Variants in NRK observed in about 807,000 individuals in gnomAD.
NRK encodes Nik related kinase.
Under a neutral mutation model 125.2 loss-of-function variants are expected in NRK, and 67 were observed. The observed-to-expected ratio is 0.54, with a 90% CI of 0.44 to 0.66. The LOEUF is 0.66. Among genes scored for constraint, NRK ranks in the 30% least tolerant of loss-of-function variants. NRK has a pLI of 0.00. For missense variants in NRK, 1,224 were observed against 1,192.9 expected (o/e 1.03, Z -0.38); for synonymous variants, 458 against 429.0 (o/e 1.07, Z -0.84).
At chrX:105,835,165 G>C in intron 2 of NRK, among the ~76,000 whole-genome samples, 1 of 111,385 alleles carries the variant, frequency 9.0e-6, no homozygotes, top group African/African-American at 3.3e-5. Flanking sequence ...TTTCAGCTAG[G>C]TTGTTTATAT....
rs2040231313 is a variant in NRK at position 105,907,123 on chromosome X, A to G, written c.1021+534A>G. On this transcript the variant is annotated intron_variant, in intron 11 of 28. Coordinates refer to ENST00000243300, the MANE Select transcript of NRK (RefSeq NM_198465.4). ...TAATTAAAGGAACTGATTTATACAA[A>G]TAAACATAAACTTCTGTCTATTAAT... 3 of 111,057 alleles carry G rather than the reference A, an allele frequency of 2.7e-5. No homozygotes were observed. In the South Asian group the frequency reaches 1.1e-3, roughly 42 times the overall value. The allele number at this position is 111,057 out of a possible 1,213,427, so 9.2% of individuals were successfully genotyped here.
chrX:105,943,885 C>A, intron 23 of NRK, 56 bp from the exon 24 acceptor site: 2 of 578,725 alleles, frequency 3.5e-6, no homozygotes, highest in Non-Finnish European at 5.6e-6. Flanking sequence ...AATACAAATA[C>A]TTGAGTGTTC....
intron 2 of NRK, among the ~76,000 whole-genome samples, chrX:105,870,960 G>A (rs2039738549): frequency 2.7e-5 from 3 of 111,440 alleles, no homozygotes; most frequent in Admixed American, 1.9e-4. Context: ...TGTAGCAAAG[G>A]TTTGGGTAAT....
At chrX:105,831,169 A>G (rs1446091082) in intron 2 of NRK, 50 bp downstream of exon 2, 2 of 789,807 alleles carry the variant, frequency 2.5e-6, no homozygotes, top group East Asian at 3.2e-5. Flanking sequence ...AATGACAACA[A>G]AGATTGTGAG....
Position 105,822,716 on chromosome X carries a change from C to T in NRK, c.-130C>T, listed in dbSNP as rs1226185691. On this transcript the variant is annotated 5_prime_UTR_variant, in exon 1 of 29. Transcript: ENST00000243300. The stretch of plus-strand genomic sequence containing the variant: ...CTCCTCTATCTCCCACGCCACGAAC[C>T]CCGATCCCCAGACTCCTCTCTCCCG... 1 of 642,116 alleles carries T rather than the reference C, an allele frequency of 1.6e-6. No homozygotes were observed. Among genetic ancestry groups the T allele is most frequent in the Non-Finnish European group, 2.5e-6 (1 of 397,376 alleles). The allele number at this position is 642,116 out of a possible 1,213,427, so 52.9% of individuals were successfully genotyped here.
intron 15 of NRK, among the ~76,000 whole-genome samples, chrX:105,916,447 A>C (rs1371987564): frequency 9.0e-6 from 1 of 110,993 alleles, no homozygotes; most frequent in Non-Finnish European, 1.9e-5. Context: ...CCCAACTCAC[A>C]ATAGAGAGAA....
intron 2 of NRK, among the ~76,000 whole-genome samples, chrX:105,873,738 G>A (rs1169391163): frequency 9.0e-6 from 1 of 110,760 alleles, no homozygotes; most frequent in Non-Finnish European, 1.9e-5. Context: ...CCCATCCACT[G>A]GGCCCAACCT....
At chrX:105,853,450 T>C (rs1480968970) in intron 2 of NRK, among the ~76,000 whole-genome samples, 1 of 112,115 alleles carries the variant, frequency 8.9e-6, no homozygotes, top group Non-Finnish European at 1.9e-5. Flanking sequence ...ACGTTTTCAT[T>C]GGAGTTTCAA....
intron 5 of NRK, among the ~76,000 whole-genome samples, chrX:105,890,671 A>G (rs2040005171): frequency 8.9e-6 from 1 of 111,763 alleles, no homozygotes; most frequent in Non-Finnish European, 1.9e-5. Context: ...TCCCCTTTAT[A>G]AAACCATTAA....
chrX:105,869,737 C>T (rs761214755), intron 2 of NRK, among the ~76,000 whole-genome samples: 1 of 109,149 alleles, frequency 9.2e-6, no homozygotes, highest in African/African-American at 3.5e-5. Flanking sequence ...GACAAAGTTG[C>T]TTCTTTTGGT....
At chrX:105,879,995 G>C (rs2039864696) in intron 2 of NRK, among the ~76,000 whole-genome samples, 1 of 110,725 alleles carries the variant, frequency 9.0e-6, no homozygotes, top group South Asian at 3.8e-4. Flanking sequence ...CGAGTGTTTT[G>C]AGTGGGATGG....
intron 9 of NRK, among the ~76,000 whole-genome samples, chrX:105,902,798 T>A (rs1243305732): frequency 9.0e-6 from 1 of 111,305 alleles, no homozygotes; most frequent in Non-Finnish European, 1.9e-5. Context: ...CTTATGAGAA[T>A]CCAACTCATG....
intron 4 of NRK, among the ~76,000 whole-genome samples, chrX:105,884,325 C>G (rs151286206): frequency 1.3e-4 from 14 of 110,347 alleles, no homozygotes; most frequent in African/African-American, 4.6e-4. Context: ...GCCATTTTCT[C>G]TGACATTGCA....
intron 14 of NRK, among the ~76,000 whole-genome samples, chrX:105,914,679 A>G (rs896680759): frequency 9.2e-6 from 1 of 109,154 alleles, no homozygotes; most frequent in Non-Finnish European, 1.9e-5. Context: ...GTGGAAAAAA[A>G]TAGGCAGATA....
At chrX:105,935,006 T>C (rs988068177) in intron 20 of NRK, among the ~76,000 whole-genome samples, 164 bp from the exon 21 acceptor site, 3 of 111,259 alleles carry the variant, frequency 2.7e-5, no homozygotes, top group Non-Finnish European at 5.7e-5. Flanking sequence ...TCGTGTCTCA[T>C]TTGCGGAAAC....
At chrX:105,950,837 G>A (rs2040887396) in intron 27 of NRK, among the ~76,000 whole-genome samples, 1 of 109,737 alleles carries the variant, frequency 9.1e-6, no homozygotes, top group Non-Finnish European at 1.9e-5. Context: ...GAGAGAGAGA[G>A]AGAGAGAGAG....
rs756761119 is a variant in NRK, at chrX:105,915,815, C to A, written c.2417+18C>A. 2 of 904,634 alleles carry A rather than the reference C, an allele frequency of 2.2e-6. No individual in the cohort carries two copies. Among genetic ancestry groups the A allele is most frequent in the Non-Finnish European group, 3.2e-6 (2 of 628,494 alleles). The allele number at this position is 904,634 out of a possible 1,213,427, so 74.6% of individuals were successfully genotyped here. A position where few individuals can be genotyped will look rare whatever the true frequency, so the allele number is the denominator to read the frequency against. ...TCTTCAAGGTATGTGTCTTTGATTT[C>A]TATATTAAAATTATTCATAATTATC... On this transcript the variant is annotated intron_variant, in intron 15 of 28. Transcript: ENST00000243300.
intron 4 of NRK, among the ~76,000 whole-genome samples, chrX:105,883,109 G>A (rs1427704189): frequency 8.9e-6 from 1 of 112,133 alleles, no homozygotes; most frequent in Non-Finnish European, 1.9e-5. Flanking sequence ...ATTACTGGAA[G>A]ATGTGTGAGA....
At chrX:105,939,601 T>A (rs2040709864) in intron 22 of NRK, among the ~76,000 whole-genome samples, 1 of 111,021 alleles carries the variant, frequency 9.0e-6, no homozygotes, top group East Asian at 2.8e-4. Context: ...GCCTGCATAG[T>A]GGAAGGCTTA....
Sources: allele counts gnomAD v4.1 joint callset (sites outside exome capture counted in the v4.1 genomes callset), GRCh38; gene constraint gnomAD v4.1.1; transcripts MANE v1.5; gene names NCBI Gene and HGNC (gene_info 2026-07-23, HGNC 2026-07-21).